Variants in PTGER3 observed in about 807,000 individuals in gnomAD.
The protein encoded by PTGER3 is prostaglandin E receptor 3.
PTGER3 carries 22 observed loss-of-function variants against 34.7 expected under a neutral mutation model. The observed-to-expected ratio is 0.63, with a 90% CI of 0.45 to 0.91. The LOEUF (loss-of-function observed/expected upper bound fraction) is 0.91, where lower values mean the gene tolerates loss of function less well. PTGER3 is among the 40% of genes least tolerant of loss of function. The pLI is 0.00. For synonymous variants in PTGER3, 241 were observed against 230.1 expected, an observed-to-expected ratio of 1.05 and a Z score of -0.43; for missense variants, 468 against 519.4, an observed-to-expected ratio of 0.90 and a Z score of 0.96.
chr1:71,008,268 A>G (rs1250138953), intron 2 of PTGER3: 6 of 911,634 alleles, frequency 6.6e-6, no homozygotes, highest in Non-Finnish European at 7.9e-6. Flanking sequence ...AAATAAGATA[A>G]TTTTTATTCT....
At chr1:70,922,680 A>G (rs1346844319) in intron 4 of PTGER3, among the ~76,000 whole-genome samples, 1 of 151,126 alleles carries the variant, frequency 6.6e-6, no homozygotes, top group African/African-American at 2.4e-5. Context: ...TGAGACTACT[A>G]AAAAAAAACC....
downstream of PTGER3, among the ~76,000 whole-genome samples, chr1:70,950,208 A>G (rs549040978): frequency 1.3e-5 from 2 of 152,332 alleles, no homozygotes; most frequent in African/African-American, 4.8e-5. Flanking sequence ...GGAGGGATTA[A>G]CCAACCAAGA....
intron 2 of PTGER3, among the ~76,000 whole-genome samples, chr1:70,985,271 T>C (rs1654806808): frequency 6.6e-6 from 1 of 152,110 alleles, no homozygotes; most frequent in African/African-American, 2.4e-5. Context: ...CGCATGCGTG[T>C]GTGGACATGA....
chr1:70,923,859 A>G (rs936247145), intron 4 of PTGER3, among the ~76,000 whole-genome samples: 1 of 152,344 alleles, frequency 6.6e-6, no homozygotes, highest in Middle Eastern at 3.4e-3. Context: ...CATGACTGCA[A>G]TAAGAATCTG....
At chr1:70,915,036 C>T (rs1436456132) in intron 4 of PTGER3, among the ~76,000 whole-genome samples, 2 of 151,926 alleles carry the variant, frequency 1.3e-5, no homozygotes, top group African/African-American at 4.8e-5. Flanking sequence ...CATACAGTTC[C>T]TGGGACTTAC....
intron 2 of PTGER3, chr1:71,006,296 T>A (rs968243929): frequency 1.0e-6 from 1 of 985,346 alleles, no homozygotes; most frequent in East Asian, 1.1e-4. Flanking sequence ...AGGGATACTT[T>A]TAATGAGCTT....
At chr1:70,922,071 G>C (rs1647582481) in intron 4 of PTGER3, among the ~76,000 whole-genome samples, 1 of 152,136 alleles carries the variant, frequency 6.6e-6, no homozygotes, top group Non-Finnish European at 1.5e-5. Flanking sequence ...ATACAGGTCA[G>C]ATATTAAGTT....
chr1:70,889,035 T>C (rs1256624462), intron 4 of PTGER3, among the ~76,000 whole-genome samples: 4 of 152,184 alleles, frequency 2.6e-5, no homozygotes, highest in African/African-American at 7.2e-5. Flanking sequence ...TCCTCCCTTT[T>C]CATGCCCCAT....
At chr1:71,029,344 G>T (rs1222012874) in intron 1 of PTGER3, among the ~76,000 whole-genome samples, 1 of 152,130 alleles carries the variant, frequency 6.6e-6, no homozygotes, top group African/African-American at 2.4e-5. Flanking sequence ...AAGCTTAGTG[G>T]TTAATTACAT....
intron 4 of PTGER3, among the ~76,000 whole-genome samples, chr1:70,922,647 G>C (rs1362061364): frequency 1.3e-5 from 2 of 151,744 alleles, no homozygotes; most frequent in Non-Finnish European, 2.9e-5. Context: ...AAGTTGCTAA[G>C]AGTTAACACC....
intron 4 of PTGER3, among the ~76,000 whole-genome samples, chr1:70,891,541 T>A (rs541757075): frequency 6.6e-6 from 1 of 152,142 alleles, no homozygotes; most frequent in East Asian, 1.9e-4. Context: ...AAAAGAAAAA[T>A]TTGTCCATTT....
At chr1:70,877,945 G>A (rs1646307308) in intron 4 of PTGER3, among the ~76,000 whole-genome samples, 1 of 152,124 alleles carries the variant, frequency 6.6e-6, no homozygotes, top group Non-Finnish European at 1.5e-5. Context: ...TTGGTATTAG[G>A]ATCATGTTGG....
chr1:71,033,170 A>G (rs1368898139), intron 1 of PTGER3, among the ~76,000 whole-genome samples: 1 of 152,218 alleles, frequency 6.6e-6, no homozygotes, highest in African/African-American at 2.4e-5. Flanking sequence ...ATAGCTGGCC[A>G]CCTCAAAACC....
At chr1:70,982,059 G>A (rs1654427710) in intron 2 of PTGER3, among the ~76,000 whole-genome samples, 1 of 152,092 alleles carries the variant, frequency 6.6e-6, no homozygotes, top group Non-Finnish European at 1.5e-5. Flanking sequence ...AGGTTTTGTG[G>A]CATCTGAAGA....
intron 4 of PTGER3, among the ~76,000 whole-genome samples, chr1:70,945,278 C>T (rs1267132017): frequency 2.0e-5 from 3 of 152,122 alleles, no homozygotes; most frequent in Admixed American, 2.0e-4. Context: ...TGCAACAAAA[C>T]ACACCCGTGT....
At chr1:70,993,384 A>T (rs1319567998) in intron 2 of PTGER3, among the ~76,000 whole-genome samples, 3 of 152,176 alleles carry the variant, frequency 2.0e-5, no homozygotes, top group East Asian at 3.8e-4. Flanking sequence ...AGCTTATGAC[A>T]CCCTAAAAGC....
intron 4 of PTGER3, among the ~76,000 whole-genome samples, chr1:70,939,613 C>T (rs1211029316): frequency 1.3e-5 from 2 of 152,380 alleles, no homozygotes; most frequent in East Asian, 1.9e-4. Context: ...CAATTCTTGC[C>T]TTCTGTGCAC....
chr1:71,022,660 C>T (rs1273911079), intron 1 of PTGER3, among the ~76,000 whole-genome samples: 1 of 151,630 alleles, frequency 6.6e-6, no homozygotes, highest in Admixed American at 6.6e-5. Flanking sequence ...AATGTATGCT[C>T]ACCAATCCTA....
At chr1:71,042,934 T>C (rs1660442848) in intron 1 of PTGER3, among the ~76,000 whole-genome samples, 1 of 152,224 alleles carries the variant, frequency 6.6e-6, no homozygotes, top group Non-Finnish European at 1.5e-5. Flanking sequence ...GATGAGAAAC[T>C]GTTTGTTGCT....
Sources: gnomAD v4.1 joint callset for allele counts (sites outside exome capture counted in the v4.1 genomes callset) on GRCh38, gnomAD v4.1.1 for gene constraint, MANE v1.5 for transcripts, NCBI Gene and HGNC (gene_info 2026-07-23, HGNC 2026-07-21) for gene names.